MDGA2: variants seen among roughly 807,000 people sequenced by gnomAD.
MDGA2 encodes the protein MAM domain containing glycosylphosphatidylinositol anchor 2, also known as MAM domain-containing glycosylphosphatidylinositol anchor protein 2.
A neutral mutation model predicts 117.8 loss-of-function variants in MDGA2; 40 were observed. The ratio of observed to expected loss-of-function variants is 0.34; its 90% CI spans 0.26 to 0.44. The LOEUF (loss-of-function observed/expected upper bound fraction) is 0.44. Among genes scored for constraint, MDGA2 ranks in the 20% least tolerant of loss-of-function variants. The probability of loss-of-function intolerance (pLI) is 1.00; values close to 1 mark genes in which losing one functional copy is unlikely to be tolerated. For synonymous variants in MDGA2, 452 were observed against 439.0 expected (o/e 1.03, Z -0.37); for missense variants, 1,123 against 1,250.6 (o/e 0.90, Z 1.54).
chr14:47,488,766 A>C (rs545779929), intron 1 of MDGA2, among the ~76,000 whole-genome samples: 1 of 152,198 alleles, frequency 6.6e-6, no homozygotes, highest in Admixed American at 6.5e-5. Context: ...CAAGGAATCA[A>C]GGATGATAAT....
chr14:47,650,043 G>A (rs1897609744), intron 1 of MDGA2, among the ~76,000 whole-genome samples: 1 of 152,082 alleles, frequency 6.6e-6, no homozygotes, highest in Non-Finnish European at 1.5e-5. Flanking sequence ...ACTGATTAAA[G>A]CACATGGTCT....
chr14:47,184,110 A>G (rs927582402), intron 3 of MDGA2, among the ~76,000 whole-genome samples: 1 of 151,930 alleles, frequency 6.6e-6, no homozygotes, highest in Non-Finnish European at 1.5e-5. Flanking sequence ...GTGTATGTGT[A>G]TATGTGTGTA....
At chr14:46,990,318 G>C (rs1041694636) in intron 8 of MDGA2, among the ~76,000 whole-genome samples, 4 of 152,052 alleles carry the variant, frequency 2.6e-5, no homozygotes, top group Non-Finnish European at 5.9e-5. Context: ...GTTTACTATA[G>C]AAATTCAAGT....
At chr14:47,505,833 C>T in intron 1 of MDGA2, among the ~76,000 whole-genome samples, 1 of 152,136 alleles carries the variant, frequency 6.6e-6, no homozygotes, top group Admixed American at 6.5e-5. Flanking sequence ...TGAGTCTTGT[C>T]TATTGATTTT....
chr14:47,255,940 T>C (rs2139656678), intron 2 of MDGA2, among the ~76,000 whole-genome samples: 1 of 152,058 alleles, frequency 6.6e-6, no homozygotes, highest in Non-Finnish European at 1.5e-5. Context: ...TTTTGAGACT[T>C]TTACATAAAA....
chr14:47,410,330 AT>A (rs1892346682), intron 1 of MDGA2, among the ~76,000 whole-genome samples: 1 of 152,158 alleles, frequency 6.6e-6, no homozygotes, highest in Non-Finnish European at 1.5e-5. Flanking sequence ...GTCTTGGAAA[AT>A]TTTAACAAGC....
intron 4 of MDGA2, among the ~76,000 whole-genome samples, chr14:47,133,352 G>A (rs769617005): frequency 2.6e-5 from 4 of 151,856 alleles, no homozygotes; most frequent in Non-Finnish European, 5.9e-5. Flanking sequence ...TGATATGCTA[G>A]AATTAGTCAA....
At chr14:46,865,598 A>T (rs868775284) in intron 14 of MDGA2, among the ~76,000 whole-genome samples, 3 of 152,100 alleles carry the variant, frequency 2.0e-5, no homozygotes, top group Middle Eastern at 3.4e-3. Context: ...AGGAAGTCAA[A>T]TTGTCCCTGT....
At chr14:46,956,282 G>C (rs1003450229) in intron 9 of MDGA2, among the ~76,000 whole-genome samples, 1 of 151,788 alleles carries the variant, frequency 6.6e-6, no homozygotes, top group African/African-American at 2.4e-5. Context: ...CTTTACCTAT[G>C]ACAAAGAAAA....
intron 8 of MDGA2, among the ~76,000 whole-genome samples, chr14:46,987,535 C>T (rs17560428): frequency 0.13 from 19,177 of 152,008 alleles, 1,428 homozygotes; most frequent in Non-Finnish European, 0.16. Context: ...GATGCAGCCA[C>T]GCGTCACTCA....
chr14:47,447,051 C>A (rs1425122276), intron 1 of MDGA2, among the ~76,000 whole-genome samples: 5 of 152,076 alleles, frequency 3.3e-5, no homozygotes, highest in Non-Finnish European at 7.4e-5. Context: ...TTAAACCTGA[C>A]CCATGGACTC....
At chr14:47,334,988 G>C (rs181422394) in intron 1 of MDGA2, among the ~76,000 whole-genome samples, 1 of 151,836 alleles carries the variant, frequency 6.6e-6, no homozygotes, top group African/African-American at 2.4e-5. Flanking sequence ...TTGAAATTGG[G>C]TGGTTTGTAA....
intron 2 of MDGA2, among the ~76,000 whole-genome samples, chr14:47,267,021 G>T (rs1344424757): frequency 1.3e-5 from 2 of 152,018 alleles, no homozygotes; most frequent in Admixed American, 1.3e-4. Flanking sequence ...GGCTTACATG[G>T]TAATGGTAAT....
chr14:47,549,197 T>C (rs1003216632), intron 1 of MDGA2, among the ~76,000 whole-genome samples: 40 of 152,148 alleles, frequency 2.6e-4, no homozygotes, highest in African/African-American at 9.4e-4. Context: ...GGGATGAACA[T>C]AGAGAAAGCA....
intron 8 of MDGA2, among the ~76,000 whole-genome samples, chr14:46,992,203 AAAAG>A (rs1887117842): frequency 6.6e-6 from 1 of 152,302 alleles, no homozygotes; most frequent in South Asian, 2.1e-4. Flanking sequence ...GAACATAAGC[AAAAG>A]AAAGAAACGA....
chr14:47,066,544 A>G (rs1037300370), intron 6 of MDGA2, among the ~76,000 whole-genome samples: 1 of 152,234 alleles, frequency 6.6e-6, no homozygotes, highest in Non-Finnish European at 1.5e-5. Flanking sequence ...ACACAACACA[A>G]GAAACCTCAT....
intron 1 of MDGA2, among the ~76,000 whole-genome samples, chr14:47,534,957 G>A (rs2138740856): frequency 6.6e-6 from 1 of 152,276 alleles, no homozygotes; most frequent in East Asian, 1.9e-4. Context: ...TGTTGCAGCT[G>A]TTTTTGAATG....
chr14:46,967,905 T>C (rs1391300273), intron 8 of MDGA2, among the ~76,000 whole-genome samples: 1 of 152,144 alleles, frequency 6.6e-6, no homozygotes, highest in Admixed American at 6.5e-5. Flanking sequence ...CCTCCTCTTC[T>C]CTCTTAAAAT....
chr14:47,307,043 T>C (rs1318761985), intron 1 of MDGA2, among the ~76,000 whole-genome samples: 3 of 152,214 alleles, frequency 2.0e-5, no homozygotes, highest in East Asian at 1.9e-4. Flanking sequence ...TAAGTGATCA[T>C]ACGCTTTCAT....
Sources: gnomAD v4.1 joint callset for allele counts (sites outside exome capture counted in the v4.1 genomes callset) on GRCh38, gnomAD v4.1.1 for gene constraint, MANE v1.5 for transcripts, NCBI Gene and HGNC (gene_info 2026-07-23, HGNC 2026-07-21) for gene names.